The following PTGFR variants were observed in gnomAD, a reference collection of about 807,000 sequenced individuals.
PTGFR encodes prostaglandin F2-alpha receptor.
Under a neutral mutation model 26.2 loss-of-function variants are expected in PTGFR, and 15 were observed. That is an observed-to-expected ratio of 0.57 (90% CI 0.38 to 0.88). The LOEUF (loss-of-function observed/expected upper bound fraction) is 0.88, where lower values mean the gene tolerates loss of function less well. PTGFR is among the 40% of genes least tolerant of loss of function. PTGFR has a pLI of 0.00. For missense variants in PTGFR, 369 were observed against 427.2 expected, an observed-to-expected ratio of 0.86 and a Z score of 1.20; for synonymous variants, 165 against 151.1, an observed-to-expected ratio of 1.09 and a Z score of -0.68.
intron 2 of PTGFR, among the ~76,000 whole-genome samples, chr1:78,513,154 G>A (rs1650012724): frequency 6.6e-6 from 1 of 152,142 alleles, no homozygotes; most frequent in Non-Finnish European, 1.5e-5. Flanking sequence ...CTGAAGATGT[G>A]GAAGTGGCTT....
At chr1:78,535,057 C>G (rs935511843) in intron 2 of PTGFR, among the ~76,000 whole-genome samples, 3 of 152,110 alleles carry the variant, frequency 2.0e-5, no homozygotes, top group African/African-American at 7.2e-5. Flanking sequence ...GGGCAGTGCC[C>G]TAGTGTTCTG....
rs894863093 is a variant in PTGFR, at chr1:78,539,164, T to C, written c.*2477T>C. The C allele has an allele frequency of 1.3e-5, 2 of 152,018 alleles. No individual in the cohort carries two copies. The highest frequency in any genetic ancestry group is 2.9e-5 in the Non-Finnish European group (2 of 67,954). 9.4% of individuals were successfully genotyped at this position (152,018 alleles called of 1,614,324 possible). A position where few individuals can be genotyped will look rare whatever the true frequency, so the allele number is the denominator to read the frequency against. On this transcript the variant is annotated 3_prime_UTR_variant, in exon 3 of 3. Transcript: ENST00000370757. ...AAGAAATGGGCCCTTATTTTTTTTT[T>C]TCCCTAGAGGCAGAAAGTTACTTCT...
At chr1:78,498,607 T>C (rs1308774323) in intron 2 of PTGFR, among the ~76,000 whole-genome samples, 5 of 152,140 alleles carry the variant, frequency 3.3e-5, no homozygotes, top group Non-Finnish European at 7.4e-5. Flanking sequence ...GATACTGTGT[T>C]CACTGCTTGG....
chr1:78,505,795 T>C (rs531249012), intron 2 of PTGFR, among the ~76,000 whole-genome samples: 1 of 152,346 alleles, frequency 6.6e-6, no homozygotes, highest in African/African-American at 2.4e-5. Context: ...ATGTCACCTT[T>C]TGTGTCTGGC....
At position 78,493,082 on chromosome 1, in the gene PTGFR, C is replaced by A. The variant is rs779341659; in HGVS notation, c.339C>A (p.Ile113=). The A allele has an allele frequency of 6.8e-6, 11 of 1,614,236 alleles. No homozygotes were observed. In the East Asian group the frequency reaches 2.0e-4, roughly 29 times the overall value. Residue 113 remains isoleucine (I), a synonymous_variant, in exon 2 of 3, where the codon ATC becomes ATA. Coordinates refer to ENST00000370757, the MANE Select transcript of PTGFR (RefSeq NM_000959.4). Reference sequence around the variant, plus strand: ...ATGTCCTTTGCAGTATTTTTGGTATCTGCATGGTGTTTTCTGGTCTGTGCC... The same window carrying A: ...ATGTCCTTTGCAGTATTTTTGGTATATGCATGGTGTTTTCTGGTCTGTGCC... ...QSNVLCSIFG[I]CMVFSGLCPL... is the part of the protein sequence containing the mutation.
At chr1:78,531,687 G>C (rs1156673771) in intron 2 of PTGFR, among the ~76,000 whole-genome samples, 4 of 151,662 alleles carry the variant, frequency 2.6e-5, no homozygotes, top group African/African-American at 9.7e-5. Flanking sequence ...TTGACTCTTT[G>C]GACCTGTGGT....
chr1:78,496,762 G>A (rs959968881), intron 2 of PTGFR, among the ~76,000 whole-genome samples: 2 of 152,034 alleles, frequency 1.3e-5, no homozygotes, highest in African/African-American at 4.8e-5. Flanking sequence ...CAATACAAAG[G>A]TAAAATGATC....
chr1:78,525,182 CACTA>C (rs2100390828), intron 2 of PTGFR, among the ~76,000 whole-genome samples: 1 of 151,964 alleles, frequency 6.6e-6, no homozygotes, highest in African/African-American at 2.4e-5. Context: ...GCAATTCTGA[CACTA>C]ACTACATGGA....
intron 2 of PTGFR, among the ~76,000 whole-genome samples, chr1:78,515,568 C>A (rs1038981638): frequency 1.3e-5 from 2 of 152,194 alleles, no homozygotes; most frequent in Non-Finnish European, 2.9e-5. Flanking sequence ...GCACATTACA[C>A]TGATTCAAAT....
At chr1:78,524,312 C>T (rs1453219305) in intron 2 of PTGFR, among the ~76,000 whole-genome samples, 1 of 151,972 alleles carries the variant, frequency 6.6e-6, no homozygotes, top group Non-Finnish European at 1.5e-5. Flanking sequence ...TTGGTATCAA[C>T]AAAATGAGGA....
At chr1:78,492,638 C>A in intron 1 of PTGFR, 34 bp from the exon 2 acceptor site, 1 of 1,077,778 alleles carries the variant, frequency 9.3e-7, no homozygotes, top group Non-Finnish European at 1.3e-6. Flanking sequence ...AGCAGTAATG[C>A]GGTGTTCATA....
chr1:78,523,358 C>CT (rs1160294434), intron 2 of PTGFR, among the ~76,000 whole-genome samples: 1 of 152,010 alleles, frequency 6.6e-6, no homozygotes, highest in Non-Finnish European at 1.5e-5. Context: ...ATCTCATTTA[C>CT]TTTTAAAGAC....
At position 78,538,399 on chromosome 1, in the gene PTGFR, A is replaced by G. The variant is rs570543633; in HGVS notation, c.*1712A>G. The G allele has an allele frequency of 2.0e-5, 3 of 152,156 alleles. No homozygotes were observed. The East Asian group carries it at 5.8e-4, about 30-fold the overall frequency. 9.4% of individuals were successfully genotyped at this position (152,156 alleles called of 1,614,324 possible). On this transcript the variant is annotated 3_prime_UTR_variant, in exon 3 of 3. Coordinates refer to ENST00000370757, the MANE Select transcript of PTGFR (RefSeq NM_000959.4). ...CTTGAGGAGATCTTGCAACATGGCC[A>G]TGTGCAAGGCTTTAAGGAGTGAGAG...
At chr1:78,505,850 A>G (rs960178261) in intron 2 of PTGFR, among the ~76,000 whole-genome samples, 4 of 152,202 alleles carry the variant, frequency 2.6e-5, no homozygotes, top group Non-Finnish European at 4.4e-5. Flanking sequence ...CTACATCTAC[A>G]CTGAGCAAGG....
chr1:78,491,398 G>A (rs1332179722), intron 1 of PTGFR, among the ~76,000 whole-genome samples, 162 bp downstream of exon 1: 1 of 152,224 alleles, frequency 6.6e-6, no homozygotes, highest in Non-Finnish European at 1.5e-5. Context: ...CATAGAGAAA[G>A]AAGGGTACTC....
intron 2 of PTGFR, among the ~76,000 whole-genome samples, chr1:78,505,600 G>T (rs940054816): frequency 6.6e-6 from 1 of 151,954 alleles, no homozygotes; most frequent in African/African-American, 2.4e-5. Flanking sequence ...CCTGACACTT[G>T]GTACATTCAC....
At chr1:78,518,098 G>A (rs556746897) in intron 2 of PTGFR, among the ~76,000 whole-genome samples, 1 of 152,176 alleles carries the variant, frequency 6.6e-6, no homozygotes, top group African/African-American at 2.4e-5. Flanking sequence ...TGCACATTCT[G>A]CACATGTATC....
intron 2 of PTGFR, among the ~76,000 whole-genome samples, chr1:78,522,146 C>T (rs1020338127): frequency 6.6e-6 from 1 of 151,994 alleles, no homozygotes; most frequent in Admixed American, 6.6e-5. Flanking sequence ...GCCCTCAGGT[C>T]GGGGCTGTCC....
At chr1:78,530,353 C>T (rs1457987644) in intron 2 of PTGFR, among the ~76,000 whole-genome samples, 3 of 152,088 alleles carry the variant, frequency 2.0e-5, no homozygotes, top group East Asian at 1.9e-4. Context: ...TGGAGCAAAA[C>T]ATTTATTAGT....
Sources: gnomAD v4.1 joint callset for allele counts (sites outside exome capture counted in the v4.1 genomes callset) on GRCh38, gnomAD v4.1.1 for gene constraint, MANE v1.5 for transcripts, NCBI Gene and HGNC (gene_info 2026-07-23, HGNC 2026-07-21) for gene names.